DNAJC5: variants seen among roughly 807,000 people sequenced by gnomAD.
DNAJC5 encodes the protein dnaJ homolog subfamily C member 5.
DNAJC5 carries 1 observed loss-of-function variant against 23.2 expected under a neutral mutation model. The ratio of observed to expected loss-of-function variants is 0.04; its 90% CI spans 0.02 to 0.20. The LOEUF (loss-of-function observed/expected upper bound fraction) is 0.20. Among genes scored for constraint, DNAJC5 ranks in the 10% least tolerant of loss-of-function variants. DNAJC5 has a pLI of 1.00. For synonymous variants in DNAJC5, 136 were observed against 120.0 expected (o/e 1.13, Z -0.87); for missense variants, 180 against 267.0 (o/e 0.67, Z 2.27).
intron 1 of DNAJC5, among the ~76,000 whole-genome samples, chr20:63,899,307 G>A (rs2053394120): frequency 6.6e-6 from 1 of 152,154 alleles, no homozygotes; most frequent in South Asian, 2.1e-4. Context: ...AAGAGGATTA[G>A]CAGCTAGTCT....
rs746903102 is a variant in DNAJC5 at position 63,929,282 on chromosome 20, G to A, written c.108-30G>A. 2.5e-6 allele frequency: 4 copies of A among 1,601,460 alleles called. No homozygotes were observed. The highest frequency in any genetic ancestry group is 3.4e-6 in the Non-Finnish European group (4 of 1,174,116). The stretch of plus-strand genomic sequence containing the variant: ...GGGTGCGGGTGGAACAAAGTCCAGG[G>A]TAGAGCCAGGACATGGTTTTGGTTT... On this transcript the variant is annotated intron_variant, in intron 2 of 4. Coordinates refer to ENST00000360864, the MANE Select transcript of DNAJC5 (RefSeq NM_025219.3). The surrounding 1 kb of genome is among the most constrained non-coding windows in gnomAD (Gnocchi z 8.6).
rs1600888575 is a variant in DNAJC5, at chr20:63,931,363, T to G, written c.494-102T>G. ...GAGGTCAGCGAGTAGCCTCTCCCGG[T>G]GGAGAGTTTGTCCAGGTGCCCGAAA... On this transcript the variant is annotated intron_variant, in intron 4 of 4. Transcript: ENST00000360864. The surrounding 1 kb of genome is among the most constrained non-coding windows in gnomAD (Gnocchi z 9.6). The G allele has an allele frequency of 4.5e-6, 5 of 1,112,740 alleles. No homozygotes were observed. Among genetic ancestry groups the G allele is most frequent in the Non-Finnish European group, 6.6e-6 (5 of 763,316 alleles). The allele number at this position is 1,112,740 out of a possible 1,614,324, so 68.9% of individuals were successfully genotyped here.
rs1437414625 is a variant in DNAJC5 at position 63,931,526 on chromosome 20, A to G, written c.555A>G (p.Thr185=). 4 of 1,584,186 alleles carry G rather than the reference A, an allele frequency of 2.5e-6. No individual in the cohort carries two copies. The highest frequency in any genetic ancestry group is 2.6e-6 in the Non-Finnish European group (3 of 1,169,570). ...PASATETTQL[T]ADSHPSYHTD... is the part of the protein sequence containing the mutation. ...CCGCCACCGAGACCACCCAGCTCAC[A>G]GCCGACTCCCACCCCAGCTACCACA... Residue 185 remains threonine, a synonymous_variant, in exon 5 of 5, where the codon ACA becomes ACG. Transcript: ENST00000360864. The surrounding 1 kb of genome is among the most constrained non-coding windows in gnomAD (Gnocchi z 9.6).
Position 63,935,515 on chromosome 20 carries a change from G to A in DNAJC5, c.*3947G>A, listed in dbSNP as rs2053710604. ...TGTGTCCCGGTGTGAAATCGAGGAGGGGACTGGAAGCCCTTCCCTGCCTTG... is the reference window on the plus strand; with the variant it reads ...TGTGTCCCGGTGTGAAATCGAGGAGAGGACTGGAAGCCCTTCCCTGCCTTG... On this transcript the variant is annotated 3_prime_UTR_variant, in exon 5 of 5. Coordinates refer to ENST00000360864, the MANE Select transcript of DNAJC5 (RefSeq NM_025219.3). 1 of 152,280 alleles carries A rather than the reference G, an allele frequency of 6.6e-6. No homozygotes were observed. The highest frequency in any genetic ancestry group is 6.5e-5 in the Admixed American group (1 of 15,292). The allele number at this position is 152,280 out of a possible 1,614,324, so 9.4% of individuals were successfully genotyped here. A position where few individuals can be genotyped will look rare whatever the true frequency, so the allele number is the denominator to read the frequency against.
At chr20:63,921,263 T>G (rs1381584061) in intron 1 of DNAJC5, among the ~76,000 whole-genome samples, 2 of 152,000 alleles carry the variant, frequency 1.3e-5, no homozygotes, top group African/African-American at 2.4e-5. Flanking sequence ...CCGGCCACCT[T>G]GTTTGCTTTT....
intron 1 of DNAJC5, among the ~76,000 whole-genome samples, chr20:63,925,754 C>CAAAAA (rs11474228): frequency 1.4e-4 from 21 of 148,542 alleles, no homozygotes; most frequent in Non-Finnish European, 2.2e-4. Context: ...GAGACTATCT[C>CAAAAA]AAAACCCCAT....
At chr20:63,914,908 G>A (rs891633096) in intron 1 of DNAJC5, among the ~76,000 whole-genome samples, 5 of 152,212 alleles carry the variant, frequency 3.3e-5, no homozygotes, top group African/African-American at 7.2e-5. Flanking sequence ...GAACCACCAC[G>A]CCCGGCCAGA....
chr20:63,919,058 A>G (rs1308105734), intron 1 of DNAJC5, among the ~76,000 whole-genome samples: 1 of 152,228 alleles, frequency 6.6e-6, no homozygotes, highest in East Asian at 1.9e-4. Context: ...GCTCTTTTAT[A>G]AAACGTTTGC....
Position 63,935,535 on chromosome 20 carries a change from G to A in DNAJC5, c.*3967G>A. 1 of 152,394 alleles carries A rather than the reference G, an allele frequency of 6.6e-6. No individual in the cohort carries two copies. 9.4% of individuals were successfully genotyped at this position (152,394 alleles called of 1,614,324 possible). A position where few individuals can be genotyped will look rare whatever the true frequency, so the allele number is the denominator to read the frequency against. ...AGGAGGGGACTGGAAGCCCTTCCCT[G>A]CCTTGAAACATGAAAGCTGATTTTC... On this transcript the variant is annotated 3_prime_UTR_variant, in exon 5 of 5. Transcript: ENST00000360864.
rs969344215 is a variant in DNAJC5, at chr20:63,920,501, G to T, written c.-11-7834G>T. On this transcript the variant is annotated intron_variant, in intron 1 of 4. Transcript: ENST00000360864. The surrounding 1 kb of genome is among the most constrained non-coding windows in gnomAD (Gnocchi z 4.6). ...GAGGTCATAGAGTGGCTGCCCTGGC[G>T]TAGGGAGGGAGGACACGGGTCCCCG... 6.6e-6 allele frequency among the ~76,000 whole-genome samples: 1 copy of T among 152,192 alleles called. No individual in the cohort carries two copies.
intron 1 of DNAJC5, among the ~76,000 whole-genome samples, chr20:63,921,451 C>T (rs1169074896): frequency 3.3e-5 from 5 of 151,836 alleles, no homozygotes; most frequent in Admixed American, 2.0e-4. Flanking sequence ...ATTAGCCGGG[C>T]GTGGTGGCGG....
chr20:63,930,756 C>A, intron 3 of DNAJC5, 95 bp from the exon 4 acceptor site: 1 of 1,589,824 alleles, frequency 6.3e-7, no homozygotes, highest in Admixed American at 1.7e-5. Flanking sequence ...ACCTGGAACG[C>A]ACCCCCTGCC....
intron 1 of DNAJC5, among the ~76,000 whole-genome samples, chr20:63,922,161 T>C (rs1038320197): frequency 6.6e-6 from 1 of 152,004 alleles, no homozygotes; most frequent in Non-Finnish European, 1.5e-5. Flanking sequence ...CCCGGACTCA[T>C]TACCCCAAGG....
intron 1 of DNAJC5, among the ~76,000 whole-genome samples, chr20:63,895,791 G>C (rs576464969): frequency 1.6e-4 from 25 of 152,214 alleles, no homozygotes; most frequent in Non-Finnish European, 2.8e-4. Flanking sequence ...GTTCTGTAAC[G>C]CATCGTAAAT....
In DNAJC5 at chr20:63,930,865, C is replaced by T. The variant is rs774665874; in HGVS notation, c.336C>T (p.Phe112=). The T allele has an allele frequency of 3.1e-6, 5 of 1,613,176 alleles. No individual in the cohort carries two copies. Among genetic ancestry groups the T allele is most frequent in the Non-Finnish European group, 4.2e-6 (5 of 1,179,968 alleles). Residue 112 remains phenylalanine (F), a synonymous_variant, in exon 4 of 5, where the codon TTC becomes TTT. Coordinates refer to ENST00000360864, the MANE Select transcript of DNAJC5 (RefSeq NM_025219.3). ...SSWWAKALFV[F]CGLLTCCYCC... is the part of the protein sequence containing the mutation. ...TCTCCCCCCAGGCCCTGTTTGTCTT[C>T]TGCGGCCTCCTCACGTGCTGCTACT...
Position 63,928,425 on chromosome 20 carries a change from C to G in DNAJC5, c.80C>G (p.Thr27Ser). The G allele has an allele frequency of 6.2e-7, 1 of 1,614,080 alleles. No homozygotes were observed. The highest frequency in any genetic ancestry group is 1.6e-4 in the Middle Eastern group (1 of 6,062). ...GTCCTTGGGTTGGACAAGAACGCAA[C>G]CTCAGATGACATTAAAAAGTCCTAT... ...YHVLGLDKNA[T>S]SDDIKKSYRK... The change falls in exon 2 of 5, where the codon ACC becomes AGC. Residue 27 changes from threonine to serine, a missense_variant. By Grantham distance (58) the Thr-to-Ser change is moderately conservative. Around this residue, in one of 3 missense-constraint regions of DNAJC5, gnomAD observed 77 missense variants for 106.8 expected, o/e 0.72. Coordinates refer to ENST00000360864, the MANE Select transcript of DNAJC5 (RefSeq NM_025219.3). This position sits in a 1 kb window ranked among gnomAD's most constrained non-coding sequence, Gnocchi z 4.6.
chr20:63,898,975 C>G (rs2053391974), intron 1 of DNAJC5, among the ~76,000 whole-genome samples: 1 of 152,180 alleles, frequency 6.6e-6, no homozygotes. Context: ...CACCTCCTGC[C>G]CCGCCATAGG....
intron 1 of DNAJC5, among the ~76,000 whole-genome samples, chr20:63,898,777 G>T (rs1478076293): frequency 1.3e-5 from 2 of 152,168 alleles, no homozygotes; most frequent in African/African-American, 4.8e-5. Flanking sequence ...GGAGGCAGAG[G>T]TTGCAGTGAG....
chr20:63,915,581 A>G (rs1600869349), intron 1 of DNAJC5, among the ~76,000 whole-genome samples: 1 of 152,218 alleles, frequency 6.6e-6, no homozygotes, highest in East Asian at 1.9e-4. Context: ...CCTTGAAGGT[A>G]GGCTGGAGAC....
Sources: allele counts gnomAD v4.1 joint callset (sites outside exome capture counted in the v4.1 genomes callset), GRCh38; gene constraint gnomAD v4.1.1; regional missense constraint gnomAD v4.1.1; non-coding constraint Gnocchi (gnomAD v3.1); transcripts MANE v1.5; gene names NCBI Gene and HGNC (gene_info 2026-07-23, HGNC 2026-07-21).